LYSMD2: variants seen among roughly 807,000 people sequenced by gnomAD.
LYSMD2 encodes lysM and putative peptidoglycan-binding domain-containing protein 2.
A neutral mutation model predicts 17.7 loss-of-function variants in LYSMD2; 6 were observed. The observed-to-expected ratio is 0.34, with a 90% confidence interval of 0.19 to 0.67. The LOEUF (loss-of-function observed/expected upper bound fraction) is 0.67. Ranked by LOEUF, LYSMD2 falls within the 30% of genes least tolerant of loss-of-function variation. The probability of loss-of-function intolerance (pLI) is 0.69; values close to 1 mark genes in which losing one functional copy is unlikely to be tolerated. For missense variants in LYSMD2, 237 were observed against 286.7 expected (o/e 0.83, Z 1.25); for synonymous variants, 102 against 129.8 (o/e 0.79, Z 1.45).
At chr15:51,746,912 G>C (rs991474713) in intron 1 of LYSMD2, among the ~76,000 whole-genome samples, 1 of 151,264 alleles carries the variant, frequency 6.6e-6, no homozygotes, top group Non-Finnish European at 1.5e-5. Context: ...AGGCATGGTG[G>C]CTCATGCCCG....
intron 1 of LYSMD2, among the ~76,000 whole-genome samples, chr15:51,728,955 T>C (rs2055558738): frequency 6.6e-6 from 1 of 152,166 alleles, no homozygotes; most frequent in Non-Finnish European, 1.5e-5. Context: ...AATACCATAA[T>C]ATATCATCAC....
intron 1 of LYSMD2, among the ~76,000 whole-genome samples, chr15:51,743,174 C>G (rs1184618591): frequency 6.6e-6 from 1 of 152,090 alleles, no homozygotes; most frequent in South Asian, 2.1e-4. Flanking sequence ...GGGGGTCTCA[C>G]TATATTGCCC....
chr15:51,749,628 T>C (rs2055686640), intron 1 of LYSMD2, among the ~76,000 whole-genome samples: 1 of 152,266 alleles, frequency 6.6e-6, no homozygotes, highest in African/African-American at 2.4e-5. Context: ...TTTGCTACTC[T>C]TTCTTCCAAT....
At chr15:51,737,705 C>G (rs1031985964), upstream of LYSMD2, 2 of 1,018,674 alleles carry the variant, frequency 2.0e-6, no homozygotes, top group East Asian at 7.4e-5. The surrounding 1 kb of genome is among the most constrained non-coding windows in gnomAD (Gnocchi z 4.2). Flanking sequence ...CCGCCTCTTC[C>G]TCTTCACAGG....
chr15:51,731,923 G>A (rs1567228374), intron 1 of LYSMD2, among the ~76,000 whole-genome samples: 1 of 152,182 alleles, frequency 6.6e-6, no homozygotes, highest in Non-Finnish European at 1.5e-5. Flanking sequence ...CCAGGGGAAT[G>A]CCAGGCCAAG....
At chr15:51,739,482 A>G (rs1324972039), upstream of LYSMD2, among the ~76,000 whole-genome samples, 1 of 152,236 alleles carries the variant, frequency 6.6e-6, no homozygotes, top group Non-Finnish European at 1.5e-5. Flanking sequence ...TCAGGACCCA[A>G]GAGAGAGGCA....
At chr15:51,749,399 T>C (rs2055685301) in intron 1 of LYSMD2, among the ~76,000 whole-genome samples, 1 of 152,226 alleles carries the variant, frequency 6.6e-6, no homozygotes. Flanking sequence ...TTTATTTTGG[T>C]GTCAGCATCC....
chr15:51,744,494 C>A (rs2055657792), intron 1 of LYSMD2, among the ~76,000 whole-genome samples: 1 of 152,046 alleles, frequency 6.6e-6, no homozygotes, highest in African/African-American at 2.4e-5. Flanking sequence ...TGGAATTAAT[C>A]CTACTTGGTT....
upstream of LYSMD2, among the ~76,000 whole-genome samples, chr15:51,739,103 A>C (rs117804024): frequency 2.1e-4 from 32 of 152,256 alleles, no homozygotes; most frequent in East Asian, 5.6e-3. Flanking sequence ...GATTTTTCCT[A>C]ATTCTTCCCA....
intron 1 of LYSMD2, among the ~76,000 whole-genome samples, chr15:51,749,164 T>A (rs576891677): frequency 6.6e-6 from 1 of 152,246 alleles, no homozygotes; most frequent in South Asian, 2.1e-4. Flanking sequence ...TGATCATGGG[T>A]TTCAACTGAT....
intron 1 of LYSMD2, among the ~76,000 whole-genome samples, chr15:51,728,869 CA>C (rs35471211): frequency 0.44 from 61,009 of 138,430 alleles, 12,490 homozygotes; most frequent in Admixed American, 0.54. Context: ...GACTCCATCT[CA>C]AAAAAAAAAA....
upstream of LYSMD2, among the ~76,000 whole-genome samples, chr15:51,740,860 G>GA (rs1567230486): frequency 6.6e-6 from 1 of 152,076 alleles, no homozygotes; most frequent in African/African-American, 2.4e-5. Context: ...GTATTGTATG[G>GA]AAAATATAAA....
chr15:51,737,270 CCACCCCCACCGCA>C lies in LYSMD2; in HGVS notation c.273+67_273+79del. 6 of 918,350 alleles carry C rather than the reference CCACCCCCACCGCA, an allele frequency of 6.5e-6. No homozygotes were observed. Among genetic ancestry groups the C allele is most frequent in the Non-Finnish European group, 8.6e-6 (6 of 695,622 alleles). 56.9% of individuals were successfully genotyped at this position (918,350 alleles called of 1,614,324 possible). Reference sequence around the variant, plus strand: ...CAAACCCCCACCCGCAGTCCCACCCCCACCCCCACCGCACCCCGAGCCGCACCGCCTCCTGCGC... The same window carrying C: ...CAAACCCCCACCCGCAGTCCCACCCCCCCCGAGCCGCACCGCCTCCTGCGC... On this transcript the variant is annotated intron_variant, in intron 1 of 2. Coordinates refer to ENST00000267838, the MANE Select transcript of LYSMD2 (RefSeq NM_153374.3). This position sits in a 1 kb window ranked among gnomAD's most constrained non-coding sequence, Gnocchi z 4.2.
Position 51,737,218 on chromosome 15 carries a change from C to G in LYSMD2, c.273+132G>C. Reference sequence around the variant, plus strand: ...GGGAGCCGAGCCGCCCGGGGACGCACGGCCGTCCCTGCGACTCCCCATCCC... The same window carrying G: ...GGGAGCCGAGCCGCCCGGGGACGCAGGGCCGTCCCTGCGACTCCCCATCCC... On this transcript the variant is annotated intron_variant, in intron 1 of 2. Transcript: ENST00000267838. This position sits in a 1 kb window ranked among gnomAD's most constrained non-coding sequence, Gnocchi z 4.2. 2.9e-6 allele frequency: 2 copies of G among 694,100 alleles called. No individual in the cohort carries two copies. Among genetic ancestry groups the G allele is most frequent in the Non-Finnish European group, 4.0e-6 (2 of 504,418 alleles). 43.0% of individuals were successfully genotyped at this position (694,100 alleles called of 1,614,324 possible).
In LYSMD2 at chr15:51,725,126, AAT is replaced by A; in HGVS notation, c.274-7_274-6del. On this transcript the variant is annotated splice_polypyrimidine_tract_variant and splice_region_variant and intron_variant, in intron 1 of 2. Transcript: ENST00000267838. The stretch of plus-strand genomic sequence containing the variant: ...GGCCCTTTTAATCTGTTCCATCTAA[AAT>A]ATAAAAAAGGAGACACAGAATTACA... 1 of 1,550,918 alleles carries A rather than the reference AAT, an allele frequency of 6.4e-7. No individual in the cohort carries two copies. Among genetic ancestry groups the A allele is most frequent in the East Asian group, 2.3e-5 (1 of 44,344 alleles).
intron 1 of LYSMD2, among the ~76,000 whole-genome samples, chr15:51,736,523 A>G (rs189514077): frequency 3.3e-5 from 5 of 152,398 alleles, no homozygotes; most frequent in Non-Finnish European, 5.9e-5. Context: ...AGGGAAAGAT[A>G]TAGATAAGAT....
At chr15:51,744,375 T>C (rs73405392) in intron 1 of LYSMD2, among the ~76,000 whole-genome samples, 13 of 152,232 alleles carry the variant, frequency 8.5e-5, no homozygotes, top group African/African-American at 2.9e-4. Context: ...TGTCAAAAGT[T>C]TTTTCTGCAT....
At chr15:51,730,927 G>C (rs969714622) in intron 1 of LYSMD2, among the ~76,000 whole-genome samples, 8 of 152,174 alleles carry the variant, frequency 5.3e-5, no homozygotes, top group African/African-American at 1.9e-4. Flanking sequence ...AATGAGACCA[G>C]ACCCCTCCAT....
upstream of LYSMD2, among the ~76,000 whole-genome samples, chr15:51,739,799 C>G (rs1434193394): frequency 6.6e-6 from 1 of 152,086 alleles, no homozygotes; most frequent in East Asian, 1.9e-4. Flanking sequence ...ATGTGGCCTA[C>G]TCCTGTAGTT....
Sources: allele counts gnomAD v4.1 joint callset (sites outside exome capture counted in the v4.1 genomes callset), GRCh38; gene constraint gnomAD v4.1.1; non-coding constraint Gnocchi (gnomAD v3.1); transcripts MANE v1.5; gene names NCBI Gene and HGNC (gene_info 2026-07-23, HGNC 2026-07-21).